The following ABCC11 variants were observed in gnomAD, a reference collection of about 807,000 sequenced individuals.
ABCC11 encodes ATP-binding cassette sub-family C member 11.
In ABCC11, 135 loss-of-function variants were observed where a neutral mutation model predicts 149.3. The ratio of observed to expected loss-of-function variants is 0.90; its 90% CI spans 0.79 to 1.04. The LOEUF (loss-of-function observed/expected upper bound fraction) is 1.04. ABCC11 is among the 50% of genes least tolerant of loss of function. The pLI, the probability that ABCC11 is intolerant of heterozygous loss-of-function variation, is 0.00. For synonymous variants in ABCC11, 665 were observed against 671.4 expected (o/e 0.99, Z 0.15); for missense variants, 1,680 against 1,722.1 (o/e 0.98, Z 0.43).
intron 18 of ABCC11, 77 bp from the exon 19 acceptor site, chr16:48,194,059 C>T: frequency 9.1e-7 from 1 of 1,098,336 alleles, no homozygotes; most frequent in Non-Finnish European, 1.4e-6. Context: ...GCTCGGCCAT[C>T]TCTGTCTTTG....
intron 28 of ABCC11, among the ~76,000 whole-genome samples, chr16:48,169,397 G>T (rs1169147050): frequency 2.6e-5 from 4 of 152,310 alleles, no homozygotes; most frequent in Non-Finnish European, 5.9e-5. Flanking sequence ...TTTGTAGAAG[G>T]TGTAAGGAAG....
rs931135629 is a variant in ABCC11, at chr16:48,207,673, A to AGGAAGGGAAG, written c.1680+742_1680+751dup. ...GTCAAAAAAAAGAAGAAAGAAAGGAAGGAAGGGAAGGGAAGGGAAGGAAAG... is the reference window on the plus strand; with the variant it reads ...GTCAAAAAAAAGAAGAAAGAAAGGAAGGAAGGGAAGGGAAGGGAAGGGAAGGGAAGGAAAG... On this transcript the variant is annotated intron_variant, in intron 12 of 29. Coordinates refer to ENST00000356608, the MANE Select transcript of ABCC11 (RefSeq NM_001370497.1). Among the ~76,000 whole-genome samples the AGGAAGGGAAG allele has an allele frequency of 2.0e-5, 3 of 151,980 alleles. No individual in the cohort carries two copies. The South Asian group carries it at 6.2e-4, about 32-fold the overall frequency.
chr16:48,226,231 A>T (rs1371796910), intron 4 of ABCC11, among the ~76,000 whole-genome samples: 1 of 149,404 alleles, frequency 6.7e-6, no homozygotes, highest in Non-Finnish European at 1.5e-5. Flanking sequence ...TGTTTCTTGC[A>T]ACAATCCTAT....
rs369871727 is a variant in ABCC11 at position 48,222,829 on chromosome 16, T to C, written c.546A>G (p.Ile182Met). ...CFCIASVLGP[I>M]LIIPKILEYS... is the part of the protein sequence containing the mutation. ...ATTCCAGGATCTTTGGTATAATCAA[T>C]ATCTACAAGGAAATGGGAGTTTGGA... The change falls in exon 6 of 30, where the codon ATA becomes ATG. Residue 182 changes from isoleucine to methionine, a missense_variant and splice_region_variant. By Grantham distance (10) the Ile-to-Met change is conservative. Coordinates refer to ENST00000356608, the MANE Select transcript of ABCC11 (RefSeq NM_001370497.1). The C allele has an allele frequency of 1.1e-5, 18 of 1,609,946 alleles. 1 individual carries two copies. Among genetic ancestry groups the C allele is most frequent in the Admixed American group, 6.7e-5 (4 of 59,988 alleles).
At chr16:48,242,129 T>A (rs906981933) in intron 1 of ABCC11, among the ~76,000 whole-genome samples, 1 of 151,860 alleles carries the variant, frequency 6.6e-6, no homozygotes, top group Non-Finnish European at 1.5e-5. Context: ...TGGAAGAAAA[T>A]TTTTACAATC....
intron 23 of ABCC11, among the ~76,000 whole-genome samples, chr16:48,180,430 G>A (rs954779786): frequency 6.6e-6 from 1 of 152,182 alleles, no homozygotes; most frequent in African/African-American, 2.4e-5. Context: ...ACGATCAAGG[G>A]TTCATGCTAG....
intron 1 of ABCC11, among the ~76,000 whole-genome samples, chr16:48,240,225 G>A (rs895855025): frequency 7.9e-5 from 12 of 152,034 alleles, no homozygotes; most frequent in African/African-American, 1.9e-4. Context: ...ACATGCACAC[G>A]TATGTTCACT....
intron 20 of ABCC11, among the ~76,000 whole-genome samples, chr16:48,190,494 G>A (rs1966868440): frequency 6.6e-6 from 1 of 152,014 alleles, no homozygotes; most frequent in Non-Finnish European, 1.5e-5. Context: ...CCCCCAAGTA[G>A]CTGGGACTAC....
intron 6 of ABCC11, among the ~76,000 whole-genome samples, chr16:48,219,174 T>G (rs1366599054): frequency 1.8e-5 from 2 of 111,934 alleles, no homozygotes; most frequent in South Asian, 2.3e-4. Context: ...TTTGGGTTTT[T>G]TTTTTTTTTT....
chr16:48,192,128 T>C (rs1305257623), intron 20 of ABCC11, among the ~76,000 whole-genome samples: 2 of 151,242 alleles, frequency 1.3e-5, no homozygotes, highest in African/African-American at 4.9e-5. Context: ...TACAGATAAA[T>C]AAATAATTAA....
chr16:48,200,214 G>A, intron 15 of ABCC11, 62 bp downstream of exon 15: 1 of 1,524,994 alleles, frequency 6.6e-7, no homozygotes, highest in Non-Finnish European at 9.0e-7. Context: ...CTCTGAAATG[G>A]CAAAGGCTTG....
intron 10 of ABCC11, 94 bp downstream of exon 10, chr16:48,213,349 T>C (rs1415587654): frequency 9.0e-7 from 1 of 1,116,744 alleles, no homozygotes; most frequent in African/African-American, 1.6e-5. Flanking sequence ...ACCTAGGCCT[T>C]GGCCAGGGGA....
intron 10 of ABCC11, 90 bp from the exon 11 acceptor site, chr16:48,211,289 G>T: frequency 6.8e-7 from 1 of 1,471,714 alleles, no homozygotes; most frequent in Non-Finnish European, 9.2e-7. Flanking sequence ...CTGCCAGTTG[G>T]TATGGTTTTG....
intron 6 of ABCC11, among the ~76,000 whole-genome samples, chr16:48,219,519 G>A (rs1969587924): frequency 6.6e-6 from 1 of 152,146 alleles, no homozygotes; most frequent in East Asian, 1.9e-4. Context: ...TGCTAATGGT[G>A]CTAATCTCTG....
chr16:48,168,548 A>G (rs1965486485), intron 28 of ABCC11, among the ~76,000 whole-genome samples: 1 of 152,222 alleles, frequency 6.6e-6, no homozygotes, highest in African/African-American at 2.4e-5. Flanking sequence ...ATATGCATGC[A>G]TAAGTATGTG....
chr16:48,203,911 C>T (rs1167803184), intron 13 of ABCC11, among the ~76,000 whole-genome samples: 1 of 152,198 alleles, frequency 6.6e-6, no homozygotes, highest in Non-Finnish European at 1.5e-5. Context: ...CGTATTTATT[C>T]AGAAATAATC....
chr16:48,196,233 T>A lies in ABCC11; in HGVS notation c.2403A>T (p.Gly801=). 6.2e-7 allele frequency: 1 copy of A among 1,614,070 alleles called. No individual in the cohort carries two copies. Among genetic ancestry groups the A allele is most frequent in the Admixed American group, 1.7e-5 (1 of 60,010 alleles). ...CCTGGGCTGGCATGGGGACCGTACC[T>A]CCAGCTGCCTGGATGTAGTGGTGGT... ...RVYHHYIQAA[G]GYMVSCIIFF... Residue 801 remains glycine (G), a splice_region_variant and synonymous_variant, in exon 18 of 30, where the codon GGA becomes GGT. Coordinates refer to ENST00000356608, the MANE Select transcript of ABCC11 (RefSeq NM_001370497.1).
intron 20 of ABCC11, among the ~76,000 whole-genome samples, chr16:48,188,376 A>T (rs1966843183): frequency 6.6e-6 from 1 of 152,148 alleles, no homozygotes; most frequent in Non-Finnish European, 1.5e-5. Context: ...TTCTACCAAT[A>T]CCAGCTCTTA....
chr16:48,192,022 C>T (rs984533656), intron 20 of ABCC11, among the ~76,000 whole-genome samples: 3 of 152,210 alleles, frequency 2.0e-5, no homozygotes, highest in East Asian at 1.9e-4. Flanking sequence ...GTGGCTCACA[C>T]CTGTAATTCT....
Sources: allele counts gnomAD v4.1 joint callset (sites outside exome capture counted in the v4.1 genomes callset), GRCh38; gene constraint gnomAD v4.1.1; transcripts MANE v1.5; gene names NCBI Gene and HGNC (gene_info 2026-07-23, HGNC 2026-07-21).